ROBO1: variants seen among roughly 807,000 people sequenced by gnomAD.
ROBO1 encodes the protein roundabout guidance receptor 1, also known as roundabout homolog 1.
ROBO1 carries 149 observed loss-of-function variants against 195.9 expected under a neutral mutation model. The ratio of observed to expected loss-of-function variants is 0.76; its 90% confidence interval spans 0.67 to 0.87. ROBO1 has a LOEUF of 0.87. Ranked by LOEUF, ROBO1 falls within the 40% of genes least tolerant of loss-of-function variation. The pLI is 0.00. For synonymous variants in ROBO1, 816 were observed against 733.2 expected (o/e 1.11, Z -1.82); for missense variants, 1,933 against 2,068.3 (o/e 0.93, Z 1.27).
chr3:78,941,710 T>C (rs1401413965), intron 3 of ROBO1, among the ~76,000 whole-genome samples: 1 of 152,150 alleles, frequency 6.6e-6, no homozygotes, highest in African/African-American at 2.4e-5. Flanking sequence ...TACAGGAGTA[T>C]GTGGTACACT....
chr3:79,493,039 G>T (rs1196517219), intron 2 of ROBO1, among the ~76,000 whole-genome samples: 1 of 151,816 alleles, frequency 6.6e-6, no homozygotes, highest in African/African-American at 2.4e-5. Flanking sequence ...TAAATAATAA[G>T]AAGCAAAAAT....
At chr3:79,568,724 T>C (rs369563887) in intron 2 of ROBO1, among the ~76,000 whole-genome samples, 19 of 152,084 alleles carry the variant, frequency 1.2e-4, no homozygotes, top group African/African-American at 3.9e-4. Context: ...AAAGCCTAGA[T>C]AGTACTTTAT....
chr3:79,569,121 C>T (rs953456331), intron 2 of ROBO1, among the ~76,000 whole-genome samples: 1 of 144,368 alleles, frequency 6.9e-6, no homozygotes. Flanking sequence ...TGCGCGTGCA[C>T]ACGCGCACAC....
chr3:78,639,566 A>G (rs139859368), intron 22 of ROBO1, among the ~76,000 whole-genome samples, 178 bp downstream of exon 22: 8 of 152,368 alleles, frequency 5.3e-5, no homozygotes, highest in East Asian at 3.9e-4. Context: ...TTAGCAAAGT[A>G]TGGAGGTTAA....
intron 1 of ROBO1, among the ~76,000 whole-genome samples, chr3:79,610,716 G>C (rs146951842): frequency 2.0e-5 from 3 of 152,058 alleles, no homozygotes; most frequent in African/African-American, 7.2e-5. Context: ...TACACTTTTG[G>C]CCTCAAGTGT....
intron 2 of ROBO1, among the ~76,000 whole-genome samples, chr3:79,284,103 T>C (rs1012668631): frequency 6.6e-6 from 1 of 152,012 alleles, no homozygotes; most frequent in Admixed American, 6.6e-5. Context: ...TATATATACA[T>C]GCATATATAT....
chr3:79,135,271 G>C (rs575154276), intron 2 of ROBO1, among the ~76,000 whole-genome samples: 1 of 152,092 alleles, frequency 6.6e-6, no homozygotes, highest in Non-Finnish European at 1.5e-5. Context: ...GAGGGTATTT[G>C]CTAACTTGGA....
chr3:79,669,752 G>A (rs1946579520), intron 1 of ROBO1, among the ~76,000 whole-genome samples: 1 of 151,760 alleles, frequency 6.6e-6, no homozygotes, highest in South Asian at 2.1e-4. Flanking sequence ...AAGGATAAAA[G>A]GGAGATCAAA....
chr3:79,480,790 A>G (rs941443066), intron 2 of ROBO1, among the ~76,000 whole-genome samples: 2 of 152,152 alleles, frequency 1.3e-5, no homozygotes, highest in Non-Finnish European at 2.9e-5. Context: ...TTACTTTAAC[A>G]AAAGAACCAT....
At position 79,372,213 on chromosome 3, in the gene ROBO1, T is replaced by TC. The variant is rs1210407958; in HGVS notation, c.88+217610_88+217611insG. On this transcript the variant is annotated intron_variant, in intron 2 of 30. Transcript: ENST00000464233. ...CCCTGTTCTAGCATTCTTTTTTTTTTTTTTCTTTTTTTGAGACAGACTCTT... is the reference window on the plus strand; with the variant it reads ...CCCTGTTCTAGCATTCTTTTTTTTTTCTTTTCTTTTTTTGAGACAGACTCTT... 2.7e-5 allele frequency among the ~76,000 whole-genome samples: 4 copies of TC among 150,922 alleles called. No homozygotes were observed. The East Asian group carries it at 7.8e-4, about 30-fold the overall frequency.
At chr3:79,760,574 T>A (rs1042322736) in intron 1 of ROBO1, among the ~76,000 whole-genome samples, 1 of 143,024 alleles carries the variant, frequency 7.0e-6, no homozygotes. Context: ...AATGTCTCAC[T>A]AGAGAAATGG....
At chr3:79,591,707 A>T (rs1944004599) in intron 1 of ROBO1, among the ~76,000 whole-genome samples, 1 of 151,816 alleles carries the variant, frequency 6.6e-6, no homozygotes, top group Non-Finnish European at 1.5e-5. Flanking sequence ...TATCCATTCA[A>T]TGTTTTGGCT....
chr3:79,570,204 G>A (rs1242875868), intron 2 of ROBO1, among the ~76,000 whole-genome samples: 2 of 151,816 alleles, frequency 1.3e-5, no homozygotes, highest in Non-Finnish European at 2.9e-5. Flanking sequence ...ATTACCTCTA[G>A]GAAATTGAAT....
At chr3:78,946,810 A>G (rs1211600689) in intron 3 of ROBO1, among the ~76,000 whole-genome samples, 1 of 152,194 alleles carries the variant, frequency 6.6e-6, no homozygotes, top group Admixed American at 6.5e-5. Flanking sequence ...TAGGCTCAAA[A>G]TAAAGGGATG....
chr3:78,960,917 G>T (rs2041311245), intron 3 of ROBO1, among the ~76,000 whole-genome samples: 2 of 150,868 alleles, frequency 1.3e-5, no homozygotes, highest in African/African-American at 4.9e-5. Flanking sequence ...TTTTTACTTG[G>T]CAAACTGTAA....
intron 3 of ROBO1, among the ~76,000 whole-genome samples, chr3:79,035,396 G>T (rs1303526593): frequency 6.6e-6 from 1 of 152,106 alleles, no homozygotes; most frequent in Non-Finnish European, 1.5e-5. Context: ...TAGAAAGCTG[G>T]CTTGACTGAA....
chr3:79,713,602 A>G (rs1235153061), intron 1 of ROBO1, among the ~76,000 whole-genome samples: 1 of 152,100 alleles, frequency 6.6e-6, no homozygotes, highest in African/African-American at 2.4e-5. Context: ...GTTTAATTAG[A>G]TCCCATTTGT....
At chr3:79,596,549 G>A (rs1047661436) in intron 1 of ROBO1, among the ~76,000 whole-genome samples, 7 of 152,126 alleles carry the variant, frequency 4.6e-5, no homozygotes, top group African/African-American at 1.7e-4. Context: ...TGATGTATAT[G>A]TAGCACTTCA....
chr3:79,067,033 A>T (rs973486480), intron 3 of ROBO1, among the ~76,000 whole-genome samples: 1 of 151,876 alleles, frequency 6.6e-6, no homozygotes, highest in African/African-American at 2.4e-5. Flanking sequence ...AGATACCATT[A>T]AAAAAATGTG....
Sources: gnomAD v4.1 joint callset for allele counts (sites outside exome capture counted in the v4.1 genomes callset) on GRCh38, gnomAD v4.1.1 for gene constraint, MANE v1.5 for transcripts, NCBI Gene and HGNC (gene_info 2026-07-23, HGNC 2026-07-21) for gene names.